SORCS1: variants seen among roughly 807,000 people sequenced by gnomAD.
SORCS1 encodes the protein VPS10 domain-containing receptor SorCS1.
Under a neutral mutation model 146.1 loss-of-function variants are expected in SORCS1, and 60 were observed. That is an observed-to-expected ratio of 0.41 (90% confidence interval 0.33 to 0.51). The LOEUF (loss-of-function observed/expected upper bound fraction) is 0.51, where lower values mean the gene tolerates loss of function less well. Ranked by LOEUF, SORCS1 falls within the 20% of genes least tolerant of loss-of-function variation. The pLI, the probability that SORCS1 is intolerant of heterozygous loss-of-function variation, is 0.21. For synonymous variants in SORCS1, 637 were observed against 584.0 expected, an observed-to-expected ratio of 1.09 and a Z score of -1.31; for missense variants, 1,352 against 1,487.6, an observed-to-expected ratio of 0.91 and a Z score of 1.50.
At chr10:106,863,524 C>CAAA (rs397807005) in intron 2 of SORCS1, among the ~76,000 whole-genome samples, 2 of 86,242 alleles carry the variant, frequency 2.3e-5, no homozygotes, top group Non-Finnish European at 5.1e-5. Context: ...GACTCCATTT[C>CAAA]AAAAAAAAAA....
At chr10:106,707,655 C>T (rs1297744683) in intron 7 of SORCS1, among the ~76,000 whole-genome samples, 1 of 152,154 alleles carries the variant, frequency 6.6e-6, no homozygotes, top group Non-Finnish European at 1.5e-5. Flanking sequence ...GCCAGTTCCC[C>T]TCCAATCTTG....
intron 17 of SORCS1, among the ~76,000 whole-genome samples, chr10:106,665,902 G>A (rs770086593): frequency 2.6e-5 from 4 of 151,986 alleles, no homozygotes; most frequent in Admixed American, 1.3e-4. Flanking sequence ...GCAGTGGCAC[G>A]ATTTCAGCTC....
At chr10:107,042,450 C>T (rs969671285) in intron 1 of SORCS1, among the ~76,000 whole-genome samples, 1 of 152,164 alleles carries the variant, frequency 6.6e-6, no homozygotes, top group Non-Finnish European at 1.5e-5. Context: ...CTTATGCTAA[C>T]TTGGATCTGT....
At chr10:106,844,691 A>C in intron 2 of SORCS1, among the ~76,000 whole-genome samples, 1 of 143,994 alleles carries the variant, frequency 6.9e-6, no homozygotes. Context: ...CTAACTCGTC[A>C]TCTAGCATTA....
intron 2 of SORCS1, among the ~76,000 whole-genome samples, chr10:106,941,781 G>C (rs753883550): frequency 4.6e-5 from 7 of 152,230 alleles, no homozygotes; most frequent in Non-Finnish European, 1.0e-4. Context: ...ATGGTGACTA[G>C]CAAGAAAACC....
intron 2 of SORCS1, among the ~76,000 whole-genome samples, chr10:106,831,686 G>A (rs1948552084): frequency 6.9e-6 from 1 of 145,534 alleles, no homozygotes; most frequent in Admixed American, 6.7e-5. Flanking sequence ...CTGGAGCTAG[G>A]AATTAAGGAT....
intron 1 of SORCS1, among the ~76,000 whole-genome samples, chr10:107,100,700 T>A (rs955250460): frequency 1.3e-5 from 2 of 152,160 alleles, no homozygotes; most frequent in Admixed American, 1.3e-4. Flanking sequence ...TGGTGGTTAG[T>A]GGGCTGGATC....
intron 17 of SORCS1, among the ~76,000 whole-genome samples, chr10:106,663,163 T>C (rs1316700445): frequency 3.9e-5 from 6 of 152,160 alleles, no homozygotes; most frequent in Non-Finnish European, 7.3e-5. Flanking sequence ...TAACTGATAA[T>C]ATTATAATAA....
intron 6 of SORCS1, among the ~76,000 whole-genome samples, chr10:106,723,570 G>A (rs985755809): frequency 1.2e-4 from 18 of 152,144 alleles, no homozygotes; most frequent in Non-Finnish European, 2.4e-4. Flanking sequence ...AGTTGAGCCT[G>A]CTCTTTTCAG....
intron 17 of SORCS1, among the ~76,000 whole-genome samples, chr10:106,659,672 C>A (rs931156084): frequency 6.6e-6 from 1 of 152,116 alleles, no homozygotes; most frequent in African/African-American, 2.4e-5. Flanking sequence ...ATGACTGGCA[C>A]GTCTGGGACT....
Position 106,951,531 on chromosome 10 carries a change from C to A in SORCS1, c.626+4982G>T, listed in dbSNP as rs796348754. ...CGTCTCTGAAAAAAAAAAAAAAAAA[C>A]GGAACACCTGGAGGACAGAGCCTAT... is the stretch of plus-strand genomic sequence containing the variant. On this transcript the variant is annotated intron_variant, in intron 2 of 25. Transcript: ENST00000263054. Among the ~76,000 whole-genome samples, 1,122 of 117,946 alleles carry A rather than the reference C, an allele frequency of 9.5e-3. 11 individuals are homozygous for A. The highest frequency in any genetic ancestry group is 0.029 in the African/African-American group (1,056 of 36,354). The allele number at this position is 117,946 out of a possible 152,430, so 77.4% of individuals were successfully genotyped here.
At chr10:107,123,921 CA>C (rs57896261) in intron 1 of SORCS1, among the ~76,000 whole-genome samples, 24,735 of 113,418 alleles carry the variant, frequency 0.22, 2,720 homozygotes, top group East Asian at 0.39. Flanking sequence ...ACTAAAAATA[CA>C]AAAAAAAAAA....
intron 21 of SORCS1, among the ~76,000 whole-genome samples, chr10:106,613,626 T>C (rs1392102692): frequency 6.6e-6 from 1 of 152,122 alleles, no homozygotes; most frequent in African/African-American, 2.4e-5. Context: ...TGAAGCCCAT[T>C]CTTGTGGCTT....
At chr10:106,990,898 T>C (rs12263891) in intron 1 of SORCS1, among the ~76,000 whole-genome samples, 26,571 of 130,996 alleles carry the variant, frequency 0.2, 7,104 homozygotes, top group African/African-American at 0.61. Flanking sequence ...GGCACACTAC[T>C]CTTTTGCAAA....
chr10:106,784,167 A>C (rs1013639955), intron 3 of SORCS1, among the ~76,000 whole-genome samples: 13 of 152,252 alleles, frequency 8.5e-5, no homozygotes, highest in African/African-American at 2.9e-4. Context: ...AGGCCGAGGC[A>C]GGCGGATCAT....
In SORCS1 at chr10:106,868,774, A is replaced by T. The variant is rs916751428; in HGVS notation, c.627-39101T>A. On this transcript the variant is annotated intron_variant, in intron 2 of 25. Coordinates refer to ENST00000263054, the MANE Select transcript of SORCS1 (RefSeq NM_052918.5). ...GATCTCAAATTAACAATCTAACATC[A>T]CAACTGAAAGAGAAGCAAGAACAAA... Among the ~76,000 whole-genome samples the T allele has an allele frequency of 2.0e-5, 3 of 152,208 alleles. No individual in the cohort carries two copies. In the South Asian group the frequency reaches 6.2e-4, roughly 31 times the overall value.
At chr10:107,031,818 T>C (rs1340014585) in intron 1 of SORCS1, among the ~76,000 whole-genome samples, 1 of 152,170 alleles carries the variant, frequency 6.6e-6, no homozygotes, top group Non-Finnish European at 1.5e-5. Context: ...CTTCAAACCA[T>C]ATTTGTGTTC....
At chr10:106,731,331 T>C (rs80252671) in intron 5 of SORCS1, among the ~76,000 whole-genome samples, 2,131 of 144,850 alleles carry the variant, frequency 0.015, 61 homozygotes, top group African/African-American at 0.052. Context: ...AGTACTTATC[T>C]CTCCAGAGCC....
intron 1 of SORCS1, among the ~76,000 whole-genome samples, chr10:107,155,042 G>A (rs1210754787): frequency 6.6e-6 from 1 of 152,110 alleles, no homozygotes; most frequent in African/African-American, 2.4e-5. Context: ...TGTACTTTCT[G>A]CCATTTAAGA....
Sources: gnomAD v4.1 joint callset for allele counts (sites outside exome capture counted in the v4.1 genomes callset) on GRCh38, gnomAD v4.1.1 for gene constraint, MANE v1.5 for transcripts, NCBI Gene and HGNC (gene_info 2026-07-23, HGNC 2026-07-21) for gene names.